The following ETV1 variants were observed in gnomAD, a reference collection of about 807,000 sequenced individuals.
ETV1 encodes the protein ETS variant transcription factor 1.
In ETV1, 27 loss-of-function variants were observed where a neutral mutation model predicts 62.3. The ratio of observed to expected loss-of-function variants is 0.43; its 90% CI spans 0.32 to 0.60. ETV1 has a LOEUF of 0.60. Ranked by LOEUF, ETV1 falls within the 20% of genes least tolerant of loss-of-function variation. The pLI is 0.06. For missense variants in ETV1, 605 were observed against 605.8 expected, an observed-to-expected ratio of 1.00 and a Z score of 0.01; for synonymous variants, 222 against 199.6, an observed-to-expected ratio of 1.11 and a Z score of -0.94.
At chr7:13,896,138 G>A in intron 13 of ETV1, 51 bp from the exon 14 acceptor site, 1 of 1,476,476 alleles carries the variant, frequency 6.8e-7, no homozygotes. Flanking sequence ...GCCAGATGGG[G>A]AAGGACAGGA....
At chr7:13,905,540 A>T (rs1321170561) in intron 12 of ETV1, among the ~76,000 whole-genome samples, 2 of 152,166 alleles carry the variant, frequency 1.3e-5, no homozygotes, top group African/African-American at 4.8e-5. Context: ...AATGCTATTG[A>T]TGAGTTATGC....
At chr7:13,930,927 A>T (rs111613269) in intron 9 of ETV1, among the ~76,000 whole-genome samples, 1,802 of 151,702 alleles carry the variant, frequency 0.012, 37 homozygotes, top group African/African-American at 0.041. Flanking sequence ...CAGCCTCCCG[A>T]GTAGCTGGGA....
intron 12 of ETV1, among the ~76,000 whole-genome samples, 166 bp from the exon 13 acceptor site, chr7:13,901,005 CTTT>C (rs71974939): frequency 2.3e-4 from 31 of 132,134 alleles, no homozygotes; most frequent in Admixed American, 3.0e-4. Flanking sequence ...TCCTGGTTTG[CTTT>C]TTTTTTTTTT....
chr7:13,972,151 G>A (rs532486419), intron 6 of ETV1, among the ~76,000 whole-genome samples: 5 of 151,788 alleles, frequency 3.3e-5, no homozygotes, highest in Non-Finnish European at 7.4e-5. Context: ...TAAAATATAT[G>A]ATTTAAGGCT....
chr7:13,905,467 G>C (rs1475929966), intron 12 of ETV1, among the ~76,000 whole-genome samples: 3 of 152,158 alleles, frequency 2.0e-5, no homozygotes, highest in African/African-American at 4.8e-5. Flanking sequence ...AGCAGAGAAA[G>C]TATCTTTAGT....
intron 8 of ETV1, among the ~76,000 whole-genome samples, chr7:13,934,831 A>G (rs1786608672): frequency 6.6e-6 from 1 of 152,126 alleles, no homozygotes; most frequent in African/African-American, 2.4e-5. Flanking sequence ...TGAAAGCAAT[A>G]TGTACATCAC....
At chr7:13,930,967 A>C (rs1193934864) in intron 9 of ETV1, among the ~76,000 whole-genome samples, 1 of 151,430 alleles carries the variant, frequency 6.6e-6, no homozygotes, top group Non-Finnish European at 1.5e-5. Flanking sequence ...TGCCTGGCTA[A>C]TTTTTTGTAC....
intron 9 of ETV1, among the ~76,000 whole-genome samples, chr7:13,915,780 A>G (rs73068169): frequency 0.026 from 3,940 of 152,098 alleles, 72 homozygotes; most frequent in Admixed American, 0.042. Context: ...TACTTTTACC[A>G]TATGACCACT....
At chr7:13,910,148 C>T (rs1291174768) in intron 10 of ETV1, among the ~76,000 whole-genome samples, 1 of 150,270 alleles carries the variant, frequency 6.7e-6, no homozygotes, top group Non-Finnish European at 1.5e-5. Flanking sequence ...ATTTTATCCT[C>T]TTACTTTCTT....
chr7:13,895,676 A>C lies in ETV1; in HGVS notation c.*190T>G. ...CAGAATAAATGTTTAGATTACTCCC[A>C]CCCACCCTCAAATAAAGTGCACAGT... On this transcript the variant is annotated 3_prime_UTR_variant, in exon 14 of 14. Coordinates refer to ENST00000430479, the MANE Select transcript of ETV1 (RefSeq NM_004956.5). The C allele has an allele frequency of 1.7e-6, 1 of 574,456 alleles. No individual in the cohort carries two copies. The highest frequency in any genetic ancestry group is 3.1e-6 in the Non-Finnish European group (1 of 322,740). The allele number at this position is 574,456 out of a possible 1,614,324, so 35.6% of individuals were successfully genotyped here. A position where few individuals can be genotyped will look rare whatever the true frequency, so the allele number is the denominator to read the frequency against.
intron 3 of ETV1, chr7:13,988,708 C>G: frequency 6.2e-7 from 1 of 1,612,694 alleles, no homozygotes. Context: ...GCAGACAAAC[C>G]CAGCCAAAAA....
intron 8 of ETV1, 142 bp downstream of exon 8, chr7:13,935,566 G>C: frequency 1.6e-6 from 1 of 628,022 alleles, no homozygotes; most frequent in South Asian, 2.1e-5. Context: ...GATAGAGTGA[G>C]CTCTTTCTAA....
intron 6 of ETV1, among the ~76,000 whole-genome samples, chr7:13,957,946 C>T (rs903716559): frequency 2.6e-5 from 4 of 152,164 alleles, no homozygotes; most frequent in African/African-American, 9.7e-5. Context: ...CTCCTCCTCA[C>T]CCCTTTGAAG....
At chr7:13,916,788 T>C (rs1784225984) in intron 9 of ETV1, among the ~76,000 whole-genome samples, 1 of 151,974 alleles carries the variant, frequency 6.6e-6, no homozygotes, top group African/African-American at 2.4e-5. Flanking sequence ...AAAAGTTAGC[T>C]GGATGTGGTG....
At chr7:13,939,782 A>T (rs1787264043) in intron 6 of ETV1, among the ~76,000 whole-genome samples, 1 of 152,348 alleles carries the variant, frequency 6.6e-6, no homozygotes, top group African/African-American at 2.4e-5. Flanking sequence ...AACATCTTTG[A>T]GGCCAGTTCT....
At chr7:13,931,816 G>C in intron 8 of ETV1, 67 bp from the exon 9 acceptor site, 2 of 1,569,360 alleles carry the variant, frequency 1.3e-6, no homozygotes, top group South Asian at 2.3e-5. Context: ...ATACGGATAC[G>C]GTTTTCCATT....
At chr7:13,906,062 G>C (rs1289726562) in intron 12 of ETV1, 1 of 167,016 alleles carries the variant, frequency 6.0e-6, no homozygotes, top group Admixed American at 6.4e-5. Context: ...CCCCCAACCA[G>C]TTGACTTTTG....
chr7:13,983,724 A>AC (rs397809476), intron 5 of ETV1, among the ~76,000 whole-genome samples: 2 of 151,236 alleles, frequency 1.3e-5, no homozygotes, highest in African/African-American at 2.4e-5. Context: ...TAAAAAAAAA[A>AC]CCTTTAAATT....
chr7:13,960,640 C>T (rs1790060884), intron 6 of ETV1, among the ~76,000 whole-genome samples: 1 of 151,902 alleles, frequency 6.6e-6, no homozygotes, highest in African/African-American at 2.4e-5. Context: ...TAGATTTAAA[C>T]CTACTCCAAA....
Sources: gnomAD v4.1 joint callset for allele counts (sites outside exome capture counted in the v4.1 genomes callset) on GRCh38, gnomAD v4.1.1 for gene constraint, MANE v1.5 for transcripts, NCBI Gene and HGNC (gene_info 2026-07-23, HGNC 2026-07-21) for gene names.